The following NOVA1 variants were observed in gnomAD, a reference collection of about 807,000 sequenced individuals.
NOVA1 encodes the protein RNA-binding protein Nova-1.
A neutral mutation model predicts 38.0 loss-of-function variants in NOVA1; 7 were observed. The ratio of observed to expected loss-of-function variants is 0.18; its 90% confidence interval spans 0.10 to 0.35. The LOEUF (loss-of-function observed/expected upper bound fraction) is 0.35. Among genes scored for constraint, NOVA1 ranks in the 10% least tolerant of loss-of-function variants. The probability of loss-of-function intolerance (pLI) is 1.00; values close to 1 mark genes in which losing one functional copy is unlikely to be tolerated. For synonymous variants in NOVA1, 270 were observed against 232.5 expected (o/e 1.16, Z -1.47); for missense variants, 460 against 616.0 (o/e 0.75, Z 2.68).
chr14:26,597,753 A>AG lies in NOVA1; in HGVS notation c.-318dup. 1 of 909,834 alleles carries AG rather than the reference A, an allele frequency of 1.1e-6. No homozygotes were observed. The highest frequency in any genetic ancestry group is 1.3e-6 in the Non-Finnish European group (1 of 773,252). 56.4% of individuals were successfully genotyped at this position (909,834 alleles called of 1,614,324 possible). A position where few individuals can be genotyped will look rare whatever the true frequency, so the allele number is the denominator to read the frequency against. Reference sequence around the variant, plus strand: ...CAGGGGGAGAGAGTGGAGAAGGGAGAGGGGCGAGTGAATGAGCGGGAGGAG... The same window carrying AG: ...CAGGGGGAGAGAGTGGAGAAGGGAGAGGGGGCGAGTGAATGAGCGGGAGGAG... On this transcript the variant is annotated 5_prime_UTR_variant, in exon 1 of 5. Coordinates refer to ENST00000539517, the MANE Select transcript of NOVA1 (RefSeq NM_002515.3).
chr14:26,477,986 A>G (rs1885122385), intron 3 of NOVA1, among the ~76,000 whole-genome samples: 1 of 152,022 alleles, frequency 6.6e-6, no homozygotes, highest in Non-Finnish European at 1.5e-5. Flanking sequence ...ACTGTCACAT[A>G]CATTATTGAT....
At chr14:26,572,702 C>A (rs1892556088) in intron 2 of NOVA1, among the ~76,000 whole-genome samples, 1 of 145,316 alleles carries the variant, frequency 6.9e-6, no homozygotes. Flanking sequence ...AAGCTGAAAC[C>A]TCAGCCTTAT....
intron 2 of NOVA1, chr14:26,593,126 C>T (rs978262641): frequency 6.6e-6 from 1 of 151,660 alleles, no homozygotes; most frequent in Non-Finnish European, 1.5e-5. Flanking sequence ...GACACAAAAA[C>T]GGGCTTCCAA....
intron 2 of NOVA1, among the ~76,000 whole-genome samples, chr14:26,498,184 C>T (rs1015959284): frequency 4.0e-5 from 6 of 151,760 alleles, no homozygotes; most frequent in African/African-American, 9.7e-5. Flanking sequence ...CTCAGCCTCC[C>T]GAGTAGCTGG....
At chr14:26,451,036 A>T (rs1250463437) in intron 4 of NOVA1, among the ~76,000 whole-genome samples, 1 of 152,154 alleles carries the variant, frequency 6.6e-6, no homozygotes, top group Admixed American at 6.6e-5. Context: ...TGTTTTGTTC[A>T]GTGTAATGGT....
At chr14:26,552,207 G>A (rs1891203650) in intron 2 of NOVA1, among the ~76,000 whole-genome samples, 1 of 152,060 alleles carries the variant, frequency 6.6e-6, no homozygotes, top group Non-Finnish European at 1.5e-5. Flanking sequence ...GTAAAGAGAA[G>A]CATAGTTTAG....
rs2138538272 is a variant in NOVA1, at chr14:26,446,184, A to G, written c.*1775T>C. The G allele has an allele frequency of 6.6e-6, 1 of 152,126 alleles. No homozygotes were observed. The highest frequency in any genetic ancestry group is 1.9e-4 in the East Asian group (1 of 5,168). 9.4% of individuals were successfully genotyped at this position (152,126 alleles called of 1,614,324 possible). On this transcript the variant is annotated 3_prime_UTR_variant, in exon 5 of 5. Transcript: ENST00000539517. ...AAAAAAAAAAAATGAGTCTACTCTT[A>G]CAGTTTGACAGAAATGAATTATTAA...
At chr14:26,521,811 T>C (rs1433046634) in intron 2 of NOVA1, among the ~76,000 whole-genome samples, 2 of 152,066 alleles carry the variant, frequency 1.3e-5, no homozygotes, top group African/African-American at 2.4e-5. Context: ...AAGGGTATTA[T>C]GTAGGAGTTT....
Position 26,472,312 on chromosome 14 carries a change from T to C in NOVA1, c.519+8A>G. 1 of 1,554,252 alleles carries C rather than the reference T, an allele frequency of 6.4e-7. No individual in the cohort carries two copies. Among genetic ancestry groups the C allele is most frequent in the Non-Finnish European group, 8.9e-7 (1 of 1,127,344 alleles). Reference sequence around the variant, plus strand: ...AAGTATGGTGTAGATGACAGGATGATACTGTACCTGATTAGCTCTGGAGGT... The same window carrying C: ...AAGTATGGTGTAGATGACAGGATGACACTGTACCTGATTAGCTCTGGAGGT... On this transcript the variant is annotated splice_region_variant and intron_variant, in intron 4 of 4. Coordinates refer to ENST00000539517, the MANE Select transcript of NOVA1 (RefSeq NM_002515.3).
chr14:26,595,297 TA>T, intron 2 of NOVA1, 112 bp downstream of exon 2: 1 of 1,028,256 alleles, frequency 9.7e-7, no homozygotes, highest in Non-Finnish European at 1.4e-6. Flanking sequence ...AAGCAATATC[TA>T]AATAAAGTCT....
At chr14:26,576,870 A>G in intron 2 of NOVA1, among the ~76,000 whole-genome samples, 1 of 151,944 alleles carries the variant, frequency 6.6e-6, no homozygotes, top group East Asian at 1.9e-4. Context: ...TTGGTGTGAT[A>G]AGAGCATGTA....
intron 2 of NOVA1, among the ~76,000 whole-genome samples, chr14:26,576,567 C>A (rs1387853344): frequency 2.0e-5 from 3 of 151,484 alleles, no homozygotes; most frequent in African/African-American, 7.3e-5. Context: ...CTAAATGGTT[C>A]AATATATATT....
chr14:26,491,618 A>G (rs142598339), intron 2 of NOVA1, among the ~76,000 whole-genome samples: 26 of 152,224 alleles, frequency 1.7e-4, no homozygotes, highest in African/African-American at 6.0e-4. Context: ...ATTAATTTTG[A>G]TATTTTAATA....
intron 2 of NOVA1, among the ~76,000 whole-genome samples, chr14:26,550,530 ATTC>A (rs1002589667): frequency 6.6e-6 from 1 of 152,104 alleles, no homozygotes; most frequent in African/African-American, 2.4e-5. Context: ...TTATTACCAC[ATTC>A]TGCTTTTACT....
intron 2 of NOVA1, among the ~76,000 whole-genome samples, chr14:26,515,354 G>C (rs959723589): frequency 6.6e-6 from 1 of 151,822 alleles, no homozygotes; most frequent in South Asian, 2.1e-4. Flanking sequence ...TTCTATACAG[G>C]AAATTTTCTA....
At chr14:26,494,462 T>C (rs1350177198) in intron 2 of NOVA1, among the ~76,000 whole-genome samples, 1 of 152,194 alleles carries the variant, frequency 6.6e-6, no homozygotes, top group Non-Finnish European at 1.5e-5. Context: ...TGTATAGGTG[T>C]AGAGGCAGAC....
chr14:26,484,182 C>T lies in NOVA1; in HGVS notation c.281-4039G>A, dbSNP rs1375296589. 2.6e-5 allele frequency among the ~76,000 whole-genome samples: 4 copies of T among 151,832 alleles called. No homozygotes were observed. The East Asian group carries it at 7.7e-4, about 29-fold the overall frequency. On this transcript the variant is annotated intron_variant, in intron 2 of 4. Coordinates refer to ENST00000539517, the MANE Select transcript of NOVA1 (RefSeq NM_002515.3). The stretch of plus-strand genomic sequence containing the variant: ...GGGTGCGGTGGCTCACACCTGTAAT[C>T]CCAGCACTTTGGGAGACCGAGGCAG...
chr14:26,462,124 T>C (rs1883733117), intron 4 of NOVA1, among the ~76,000 whole-genome samples: 1 of 152,132 alleles, frequency 6.6e-6, no homozygotes, highest in Non-Finnish European at 1.5e-5. Flanking sequence ...GTTTATAGTC[T>C]ACAGCAGTAT....
chr14:26,522,261 T>G (rs1040675150), intron 2 of NOVA1, among the ~76,000 whole-genome samples: 2 of 152,088 alleles, frequency 1.3e-5, no homozygotes, highest in Non-Finnish European at 2.9e-5. Context: ...CACAGATAAA[T>G]GGATTTTGAA....
Sources: allele counts gnomAD v4.1 joint callset (sites outside exome capture counted in the v4.1 genomes callset), GRCh38; gene constraint gnomAD v4.1.1; transcripts MANE v1.5; gene names NCBI Gene and HGNC (gene_info 2026-07-23, HGNC 2026-07-21).